LRRC4C: variants seen among roughly 807,000 people sequenced by gnomAD.
LRRC4C encodes the protein leucine rich repeat containing 4C, also known as leucine-rich repeat-containing protein 4C.
In LRRC4C, 5 loss-of-function variants were observed where a neutral mutation model predicts 33.6. That is an observed-to-expected ratio of 0.15 (90% confidence interval 0.08 to 0.31). The LOEUF (loss-of-function observed/expected upper bound fraction) is 0.31. Ranked by LOEUF, LRRC4C falls within the 10% of genes least tolerant of loss-of-function variation. The pLI is 1.00. For synonymous variants in LRRC4C, 329 were observed against 302.0 expected, an observed-to-expected ratio of 1.09 and a Z score of -0.93; for missense variants, 560 against 796.7, an observed-to-expected ratio of 0.70 and a Z score of 3.58.
At chr11:41,365,218 T>C (rs1385499278) in intron 1 of LRRC4C, among the ~76,000 whole-genome samples, 1 of 152,018 alleles carries the variant, frequency 6.6e-6, no homozygotes. Context: ...TGTGAACCTA[T>C]TGTAAACTGT....
At chr11:41,048,232 G>A (rs1183106793) in intron 1 of LRRC4C, among the ~76,000 whole-genome samples, 2 of 148,846 alleles carry the variant, frequency 1.3e-5, no homozygotes, top group East Asian at 3.9e-4. Flanking sequence ...GAAATATCTG[G>A]AATAAGATTT....
chr11:40,457,203 G>A (rs895833624), intron 3 of LRRC4C, among the ~76,000 whole-genome samples: 1 of 150,748 alleles, frequency 6.6e-6, no homozygotes, highest in Non-Finnish European at 1.5e-5. Context: ...CAAATCACAT[G>A]TTGATTGATA....
intron 1 of LRRC4C, among the ~76,000 whole-genome samples, chr11:40,991,530 T>C (rs1489705973): frequency 2.0e-5 from 3 of 152,224 alleles, no homozygotes; most frequent in East Asian, 1.9e-4. Flanking sequence ...ATTACACTTA[T>C]TTGTGCACTT....
intron 3 of LRRC4C, among the ~76,000 whole-genome samples, chr11:40,479,075 G>T (rs1436641163): frequency 6.6e-6 from 1 of 152,004 alleles, no homozygotes; most frequent in African/African-American, 2.4e-5. Context: ...ATGGGGCTTG[G>T]ACTGGAATGT....
intron 3 of LRRC4C, among the ~76,000 whole-genome samples, chr11:40,528,966 A>T (rs1389860807): frequency 6.6e-6 from 1 of 152,130 alleles, no homozygotes; most frequent in Non-Finnish European, 1.5e-5. Context: ...AACAGAATAT[A>T]GGTTACCAGT....
intron 3 of LRRC4C, among the ~76,000 whole-genome samples, chr11:40,463,627 A>G (rs74809188): frequency 0.04 from 6,145 of 152,160 alleles, 401 homozygotes; most frequent in African/African-American, 0.14. Flanking sequence ...CTTTTCAAGA[A>G]TAGTCTTTCA....
intron 1 of LRRC4C, among the ~76,000 whole-genome samples, chr11:41,360,123 C>T (rs1952300384): frequency 6.6e-6 from 1 of 152,160 alleles, no homozygotes; most frequent in Admixed American, 6.5e-5. Context: ...GCGGAGGTGG[C>T]AGTGAGCGGA....
rs1039040 is a variant in LRRC4C, at chr11:40,490,319, G to T, written c.-270+157823C>A. Among the ~76,000 whole-genome samples, 667 of 152,068 alleles carry T rather than the reference G, an allele frequency of 4.4e-3. 20 individuals are homozygous for T. The highest frequency in any genetic ancestry group is 0.031 in the Admixed American group (469 of 15,248). On this transcript the variant is annotated intron_variant, in intron 3 of 6. Coordinates refer to ENST00000528697, the MANE Select transcript of LRRC4C (RefSeq NM_001258419.2). ...ACTCATCTGCCTTTTCACCACTCTTGCACCTAAAGCCATCACCTTATATTA... is the reference window on the plus strand; with the variant it reads ...ACTCATCTGCCTTTTCACCACTCTTTCACCTAAAGCCATCACCTTATATTA...
intron 2 of LRRC4C, among the ~76,000 whole-genome samples, chr11:40,805,283 G>A (rs1951196064): frequency 6.6e-6 from 1 of 152,160 alleles, no homozygotes; most frequent in Non-Finnish European, 1.5e-5. Flanking sequence ...AAAGTGGGCT[G>A]ACAGTAAAGC....
chr11:41,026,141 G>C (rs1856337072), intron 1 of LRRC4C, among the ~76,000 whole-genome samples: 1 of 151,636 alleles, frequency 6.6e-6, no homozygotes, highest in African/African-American at 2.4e-5. Flanking sequence ...AGCTGACATA[G>C]TGATTCCTCT....
At chr11:41,443,150 C>T (rs1955708035) in intron 1 of LRRC4C, among the ~76,000 whole-genome samples, 1 of 131,018 alleles carries the variant, frequency 7.6e-6, no homozygotes, top group Non-Finnish European at 1.6e-5. Context: ...CATATTAACA[C>T]TGACTTGAAA....
At chr11:40,641,120 T>C (rs1181913692) in intron 3 of LRRC4C, among the ~76,000 whole-genome samples, 1 of 152,096 alleles carries the variant, frequency 6.6e-6, no homozygotes, top group African/African-American at 2.4e-5. Context: ...CTATTGTTTA[T>C]ATTGAGTACT....
At chr11:40,512,233 G>C (rs931283723) in intron 3 of LRRC4C, among the ~76,000 whole-genome samples, 1 of 152,078 alleles carries the variant, frequency 6.6e-6, no homozygotes, top group Non-Finnish European at 1.5e-5. Context: ...AAATTAGCCA[G>C]TTGTGGTGGT....
At chr11:41,086,907 T>C (rs1193649541) in intron 1 of LRRC4C, among the ~76,000 whole-genome samples, 1 of 151,348 alleles carries the variant, frequency 6.6e-6, no homozygotes, top group Non-Finnish European at 1.5e-5. Flanking sequence ...TTTTTCAGAG[T>C]TGTGGAACTC....
intron 2 of LRRC4C, among the ~76,000 whole-genome samples, chr11:40,873,425 G>A (rs1954745903): frequency 6.6e-6 from 1 of 152,078 alleles, no homozygotes. Flanking sequence ...ATGTAAAGAT[G>A]ATTTTGTGTC....
chr11:41,437,319 CT>C lies in LRRC4C; in HGVS notation c.-496+22111del, dbSNP rs766174346. On this transcript the variant is annotated intron_variant, in intron 1 of 6. Transcript: ENST00000528697. ...TCTCTGAAATCTTGCTATCATTTACCTTTTCCAATATTATCTCCAAACTTTC... is the reference window on the plus strand; with the variant it reads ...TCTCTGAAATCTTGCTATCATTTACCTTTCCAATATTATCTCCAAACTTTC... Among the ~76,000 whole-genome samples, 5 of 152,178 alleles carry C rather than the reference CT, an allele frequency of 3.3e-5. No homozygotes were observed. The East Asian group carries it at 7.7e-4, about 24-fold the overall frequency.
intron 3 of LRRC4C, among the ~76,000 whole-genome samples, chr11:40,492,068 T>G (rs923808262): frequency 2.6e-5 from 4 of 152,226 alleles, no homozygotes; most frequent in Non-Finnish European, 5.9e-5. Flanking sequence ...AGGCCTTCTT[T>G]AAAGAGATGG....
rs1228934193 is a variant in LRRC4C at position 40,625,145 on chromosome 11, C to T, written c.-270+22997G>A. On this transcript the variant is annotated intron_variant, in intron 3 of 6. Transcript: ENST00000528697. Reference sequence around the variant, plus strand: ...CTCAGGGTCACATGGCTAATAATTGCCATAGCTAAGATTTTAACCAACATA... The same window carrying T: ...CTCAGGGTCACATGGCTAATAATTGTCATAGCTAAGATTTTAACCAACATA... Among the ~76,000 whole-genome samples, 4 of 152,048 alleles carry T rather than the reference C, an allele frequency of 2.6e-5. No individual in the cohort carries two copies. The South Asian group carries it at 6.2e-4, about 24-fold the overall frequency.
At chr11:41,013,518 C>T (rs1241935775) in intron 1 of LRRC4C, among the ~76,000 whole-genome samples, 2 of 152,154 alleles carry the variant, frequency 1.3e-5, no homozygotes, top group Admixed American at 6.5e-5. Flanking sequence ...CACTGTCTTA[C>T]AGTCTTCAAA....
Sources: gnomAD v4.1 joint callset for allele counts (sites outside exome capture counted in the v4.1 genomes callset) on GRCh38, gnomAD v4.1.1 for gene constraint, MANE v1.5 for transcripts, NCBI Gene and HGNC (gene_info 2026-07-23, HGNC 2026-07-21) for gene names.